The following GRID2 variants were observed in gnomAD, a reference collection of about 807,000 sequenced individuals.
The protein encoded by GRID2 is glutamate ionotropic receptor delta type subunit 2.
In GRID2, 33 loss-of-function variants were observed where a neutral mutation model predicts 114.8. That is an observed-to-expected ratio of 0.29 (90% CI 0.22 to 0.38). The LOEUF (loss-of-function observed/expected upper bound fraction) is 0.38, where lower values mean the gene tolerates loss of function less well. Among genes scored for constraint, GRID2 ranks in the 10% least tolerant of loss-of-function variants. The pLI is 1.00. For synonymous variants in GRID2, 505 were observed against 449.9 expected, an observed-to-expected ratio of 1.12 and a Z score of -1.55; for missense variants, 1,184 against 1,257.7, an observed-to-expected ratio of 0.94 and a Z score of 0.89.
At chr4:93,375,138 C>T (rs902531901) in intron 8 of GRID2, among the ~76,000 whole-genome samples, 1 of 151,998 alleles carries the variant, frequency 6.6e-6, no homozygotes, top group African/African-American at 2.4e-5. Context: ...TGCCTCTACC[C>T]AGACTGCAGC....
chr4:92,389,298 G>C (rs113755106), intron 1 of GRID2, among the ~76,000 whole-genome samples: 19 of 151,998 alleles, frequency 1.3e-4, no homozygotes, highest in African/African-American at 4.3e-4. Flanking sequence ...TGTGGAAAGG[G>C]ACAGTATGGG....
intron 14 of GRID2, among the ~76,000 whole-genome samples, chr4:93,652,467 A>G (rs1025694604): frequency 2.0e-5 from 3 of 152,136 alleles, no homozygotes; most frequent in African/African-American, 7.2e-5. Flanking sequence ...AGACACACAA[A>G]TACCTATCAT....
At chr4:93,247,714 A>C (rs974269112) in intron 8 of GRID2, among the ~76,000 whole-genome samples, 1 of 151,920 alleles carries the variant, frequency 6.6e-6, no homozygotes, top group Non-Finnish European at 1.5e-5. Flanking sequence ...CCAATCTCTC[A>C]TATCAAATCT....
At chr4:93,286,491 C>T (rs958521232) in intron 8 of GRID2, among the ~76,000 whole-genome samples, 1 of 152,068 alleles carries the variant, frequency 6.6e-6, no homozygotes, top group African/African-American at 2.4e-5. Context: ...CCCTTCCTCA[C>T]CTCTTTGTGC....
At chr4:93,624,858 A>T (rs1000130436) in intron 13 of GRID2, among the ~76,000 whole-genome samples, 2 of 151,354 alleles carry the variant, frequency 1.3e-5, no homozygotes, top group African/African-American at 4.9e-5. Context: ...TGTATGAGTG[A>T]TTACTGAGGG....
chr4:92,594,647 C>T (rs968733678), intron 2 of GRID2, among the ~76,000 whole-genome samples: 4 of 151,946 alleles, frequency 2.6e-5, no homozygotes, highest in Admixed American at 1.3e-4. Flanking sequence ...ACCCACAGTA[C>T]TCATTACCAC....
intron 1 of GRID2, among the ~76,000 whole-genome samples, chr4:92,438,729 T>C (rs547047930): frequency 6.6e-6 from 1 of 152,298 alleles, no homozygotes; most frequent in South Asian, 2.1e-4. Context: ...CCAGTCGTTC[T>C]AGGAGAAAGT....
In GRID2 at chr4:93,322,528, G is replaced by A. The variant is rs541850794; in HGVS notation, c.1246-73079G>A. Among the ~76,000 whole-genome samples the A allele has an allele frequency of 2.2e-4, 33 of 152,242 alleles. No individual in the cohort carries two copies. The South Asian group carries it at 4.4e-3, about 20-fold the overall frequency. On this transcript the variant is annotated intron_variant, in intron 8 of 15. Transcript: ENST00000282020. ...ACATACATGTGCATGTGTGTTTATA[G>A]CAGCATGATTTATAATCCTTTGGGT...
chr4:92,938,981 G>T (rs113550511), intron 2 of GRID2, among the ~76,000 whole-genome samples: 2,414 of 146,868 alleles, frequency 0.016, 239 homozygotes, highest in East Asian at 0.069. Flanking sequence ...ACATTTGGGT[G>T]GGTTCCAAGT....
At chr4:92,827,507 C>G (rs1741804733) in intron 2 of GRID2, among the ~76,000 whole-genome samples, 1 of 151,904 alleles carries the variant, frequency 6.6e-6, no homozygotes. Context: ...CCCGTCAAGA[C>G]CCGATATTCT....
chr4:92,730,245 C>A (rs1229840733), intron 2 of GRID2, among the ~76,000 whole-genome samples: 1 of 151,890 alleles, frequency 6.6e-6, no homozygotes. Context: ...TGATTATAAG[C>A]ATAAACCACT....
chr4:93,303,555 C>A (rs1755094119), intron 8 of GRID2, among the ~76,000 whole-genome samples: 1 of 152,206 alleles, frequency 6.6e-6, no homozygotes, highest in African/African-American at 2.4e-5. Context: ...ATCAGGCTCT[C>A]ATCACATCAC....
chr4:92,647,079 C>T (rs1392031859), intron 2 of GRID2, among the ~76,000 whole-genome samples: 1 of 152,212 alleles, frequency 6.6e-6, no homozygotes, highest in Non-Finnish European at 1.5e-5. Context: ...GACTGAGAGG[C>T]AATGTTTCCC....
intron 1 of GRID2, among the ~76,000 whole-genome samples, chr4:92,470,608 C>T (rs1012186090): frequency 1.1e-4 from 16 of 151,794 alleles, no homozygotes; most frequent in Middle Eastern, 6.8e-3. Context: ...AAATGTTTGC[C>T]GTAACTTAAC....
Position 93,687,843 on chromosome 4 carries a change from A to C in GRID2, c.2360+61408A>C, listed in dbSNP as rs183768027. 7.2e-4 allele frequency among the ~76,000 whole-genome samples: 110 copies of C among 152,130 alleles called. 1 individual carries two copies. The highest frequency in any genetic ancestry group is 2.5e-3 in the African/African-American group (104 of 41,526). Reference sequence around the variant, plus strand: ...GAAAGGAGAACTGGAATCAAAGCTAAGTTTTAAGATTATAAAAGTATATTA... The same window carrying C: ...GAAAGGAGAACTGGAATCAAAGCTACGTTTTAAGATTATAAAAGTATATTA... On this transcript the variant is annotated intron_variant, in intron 14 of 15. Transcript: ENST00000282020.
intron 2 of GRID2, among the ~76,000 whole-genome samples, chr4:92,682,243 T>C (rs1733684545): frequency 1.3e-5 from 2 of 152,196 alleles, no homozygotes; most frequent in Non-Finnish European, 2.9e-5. Context: ...TAGCCAGGTC[T>C]AAGACACCTT....
intron 15 of GRID2, among the ~76,000 whole-genome samples, chr4:93,771,764 G>T (rs371834387): frequency 6.6e-6 from 1 of 152,068 alleles, no homozygotes; most frequent in Non-Finnish European, 1.5e-5. Context: ...TTACAATTTT[G>T]CCTGGGTCTG....
chr4:92,773,426 C>A (rs1235741952), intron 2 of GRID2, among the ~76,000 whole-genome samples: 1 of 151,962 alleles, frequency 6.6e-6, no homozygotes, highest in African/African-American at 2.4e-5. Flanking sequence ...AGTAACTGTA[C>A]CAGAAAAGAA....
intron 2 of GRID2, among the ~76,000 whole-genome samples, chr4:92,709,589 A>ATATATATATATATATATATATAT (rs1553919234): frequency 1.7e-5 from 2 of 114,660 alleles, no homozygotes; most frequent in African/African-American, 6.9e-5. Flanking sequence ...AAAAAAAAAA[A>ATATATATATATATATATATATAT]ATATATATAT....
Sources: allele counts gnomAD v4.1 joint callset (sites outside exome capture counted in the v4.1 genomes callset), GRCh38; gene constraint gnomAD v4.1.1; transcripts MANE v1.5; gene names NCBI Gene and HGNC (gene_info 2026-07-23, HGNC 2026-07-21).